Variants in AAR2 observed in about 807,000 individuals in gnomAD.
AAR2 encodes the protein AAR2 splicing factor, also known as protein AAR2 homolog.
In AAR2, 31 loss-of-function variants were observed where a neutral mutation model predicts 26.9. That is an observed-to-expected ratio of 1.15 (90% CI 0.86 to 1.55). The LOEUF is 1.55. Ranked by LOEUF, AAR2 falls within the 40% of genes most tolerant of loss-of-function variation. The pLI is 0.00. For missense variants in AAR2, 430 were observed against 491.3 expected (o/e 0.88, Z 1.18); for synonymous variants, 188 against 196.1 (o/e 0.96, Z 0.34).
At chr20:36,251,840 G>A (rs2147298060) in intron 3 of AAR2, among the ~76,000 whole-genome samples, 1 of 152,370 alleles carries the variant, frequency 6.6e-6, no homozygotes, top group Non-Finnish European at 1.5e-5. Context: ...TTTGAGAGGT[G>A]CTTTGGGAGG....
chr20:36,246,440 C>G (rs1430167947), intron 3 of AAR2, among the ~76,000 whole-genome samples: 1 of 152,198 alleles, frequency 6.6e-6, no homozygotes, highest in Non-Finnish European at 1.5e-5. Flanking sequence ...AGCTATAAAA[C>G]TGTCCTTTTA....
intron 3 of AAR2, among the ~76,000 whole-genome samples, chr20:36,255,285 T>C (rs376512970): frequency 6.6e-6 from 1 of 152,226 alleles, no homozygotes; most frequent in African/African-American, 2.4e-5. Flanking sequence ...TACCTGTTCC[T>C]CTGGGTTACT....
chr20:36,251,634 G>A (rs534761142), intron 3 of AAR2, among the ~76,000 whole-genome samples: 19 of 152,362 alleles, frequency 1.2e-4, no homozygotes, highest in African/African-American at 4.6e-4. Context: ...ATTTGTCACT[G>A]CGTGTTGCCG....
At chr20:36,237,034 G>C (rs908997489) in intron 1 of AAR2, among the ~76,000 whole-genome samples, 1 of 152,182 alleles carries the variant, frequency 6.6e-6, no homozygotes, top group Non-Finnish European at 1.5e-5. Context: ...CCTTTACTGA[G>C]GAGGTGAATA....
rs557600058 is a variant in AAR2, at chr20:36,251,060, G to T, written c.988-4518G>T. On this transcript the variant is annotated intron_variant, in intron 3 of 3. Coordinates refer to ENST00000320849, the MANE Select transcript of AAR2 (RefSeq NM_001271874.2). ...AAAAATACAAAATTTAGCTAGGCATGGTGGCATGTACCTATAGTCTCAACT... is the reference window on the plus strand; with the variant it reads ...AAAAATACAAAATTTAGCTAGGCATTGTGGCATGTACCTATAGTCTCAACT... Among the ~76,000 whole-genome samples, 5 of 152,174 alleles carry T rather than the reference G, an allele frequency of 3.3e-5. No homozygotes were observed. The East Asian group carries it at 9.7e-4, about 29-fold the overall frequency.
rs112672527 is a variant in AAR2, at chr20:36,252,092, C to G, written c.988-3486C>G. On this transcript the variant is annotated intron_variant, in intron 3 of 3. Coordinates refer to ENST00000320849, the MANE Select transcript of AAR2 (RefSeq NM_001271874.2). ...TGTGAGGAATGCCATGAGGGAGGCT[C>G]GGGCACAGTGCTGGGGAACAGGGGT... Among the ~76,000 whole-genome samples, 919 of 152,256 alleles carry G rather than the reference C, an allele frequency of 6.0e-3. 11 individuals are homozygous for G. The highest frequency in any genetic ancestry group is 0.021 in the African/African-American group (871 of 41,550).
intron 3 of AAR2, among the ~76,000 whole-genome samples, chr20:36,255,285 T>G (rs376512970): frequency 2.0e-5 from 3 of 152,344 alleles, no homozygotes; most frequent in African/African-American, 7.2e-5. Flanking sequence ...TACCTGTTCC[T>G]CTGGGTTACT....
chr20:36,244,959 T>G, intron 3 of AAR2, 33 bp downstream of exon 3: 1 of 1,572,976 alleles, frequency 6.4e-7, no homozygotes, highest in East Asian at 2.2e-5. Flanking sequence ...CTGATGCACA[T>G]GTGGGTCAGA....
intron 2 of AAR2, among the ~76,000 whole-genome samples, chr20:36,244,269 G>T (rs1208108699): frequency 1.3e-5 from 2 of 152,126 alleles, no homozygotes; most frequent in African/African-American, 4.8e-5. Flanking sequence ...AGATACGAAG[G>T]CCCCATCATC....
intron 3 of AAR2, among the ~76,000 whole-genome samples, chr20:36,253,750 A>G (rs1485800544): frequency 6.6e-6 from 1 of 152,234 alleles, no homozygotes; most frequent in East Asian, 1.9e-4. Context: ...TCAACAATGC[A>G]AAAACAACCC....
At chr20:36,245,646 C>T (rs1233204803) in intron 3 of AAR2, among the ~76,000 whole-genome samples, 1 of 152,158 alleles carries the variant, frequency 6.6e-6, no homozygotes, top group Non-Finnish European at 1.5e-5. Context: ...TGTGTAATAC[C>T]CCCATGAGGC....
intron 3 of AAR2, 44 bp from the exon 4 acceptor site, chr20:36,255,534 G>C: frequency 6.2e-7 from 1 of 1,608,218 alleles, no homozygotes; most frequent in Non-Finnish European, 8.5e-7. Context: ...CTCGCCCCCT[G>C]CCCTCCGTCT....
chr20:36,244,848 C>G lies in AAR2; in HGVS notation c.909C>G (p.Tyr303Ter), dbSNP rs550754862. The G allele has an allele frequency of 6.2e-7, 1 of 1,614,202 alleles. No individual in the cohort carries two copies. The highest frequency in any genetic ancestry group is 1.1e-5 in the South Asian group (1 of 91,080). Residue 303 changes from tyrosine (Y) to a stop codon, truncating the protein, a stop_gained, in exon 3 of 4, where the codon TAC (tyrosine) becomes TAG (stop). Transcript: ENST00000320849. LOFTEE classifies it high-confidence loss of function. ...TLYINLISIL[Y>*]HQLGEIPADF... Reference sequence around the variant, plus strand: ...ACATCAACCTCATCTCCATCCTGTACCACCAGCTTGGTGAGATCCCCGCTG... The same window carrying G: ...ACATCAACCTCATCTCCATCCTGTAGCACCAGCTTGGTGAGATCCCCGCTG...
chr20:36,256,050 T>C lies in AAR2; in HGVS notation c.*305T>C, dbSNP rs571457545. ...GAGACATCTGCCTACACGGCAACCA[T>C]ATTTCCTCTGAATGAGAAGGAATTG... is the stretch of plus-strand genomic sequence containing the variant. On this transcript the variant is annotated 3_prime_UTR_variant, in exon 4 of 4. Coordinates refer to ENST00000320849, the MANE Select transcript of AAR2 (RefSeq NM_001271874.2). 14 of 282,860 alleles carry C rather than the reference T, an allele frequency of 4.9e-5. No individual in the cohort carries two copies. In the South Asian group the frequency reaches 7.5e-4, roughly 15 times the overall value. The allele number at this position is 282,860 out of a possible 1,614,324, so 17.5% of individuals were successfully genotyped here. A position where few individuals can be genotyped will look rare whatever the true frequency, so the allele number is the denominator to read the frequency against.
intron 3 of AAR2, among the ~76,000 whole-genome samples, chr20:36,253,127 C>T (rs907491718): frequency 9.2e-5 from 14 of 151,494 alleles, no homozygotes; most frequent in African/African-American, 3.4e-4. Context: ...AACGGAATGG[C>T]TCCAGACAAA....
At chr20:36,242,364 T>C (rs116368450) in intron 2 of AAR2, among the ~76,000 whole-genome samples, 7 of 145,274 alleles carry the variant, frequency 4.8e-5, no homozygotes, top group Admixed American at 2.1e-4. Flanking sequence ...AGGTACATCT[T>C]TTGTTGTTGT....
intron 2 of AAR2, among the ~76,000 whole-genome samples, chr20:36,244,185 G>T (rs1328686231): frequency 6.6e-6 from 1 of 152,142 alleles, no homozygotes; most frequent in East Asian, 1.9e-4. Context: ...GGGTTACATG[G>T]TATAGTGCAG....
chr20:36,251,858 A>C (rs2064782803), intron 3 of AAR2, among the ~76,000 whole-genome samples: 1 of 152,228 alleles, frequency 6.6e-6, no homozygotes, highest in Non-Finnish European at 1.5e-5. Flanking sequence ...AGGATGGGTG[A>C]TGAGCGTGAG....
chr20:36,255,569 T>A lies in AAR2; in HGVS notation c.988-9T>A, dbSNP rs747783113. The A allele has an allele frequency of 1.9e-6, 3 of 1,614,170 alleles. No individual in the cohort carries two copies. The South Asian group carries it at 3.3e-5, about 18-fold the overall frequency. On this transcript the variant is annotated splice_polypyrimidine_tract_variant and intron_variant, in intron 3 of 3. Transcript: ENST00000320849. Reference sequence around the variant, plus strand: ...TTCTCAGGAGTGACTTATCCTCTGTTCTCTGTAGGTTTTCTTTTCCTCTGC... The same window carrying A: ...TTCTCAGGAGTGACTTATCCTCTGTACTCTGTAGGTTTTCTTTTCCTCTGC...
Sources: gnomAD v4.1 joint callset for allele counts (sites outside exome capture counted in the v4.1 genomes callset) on GRCh38, gnomAD v4.1.1 for gene constraint, MANE v1.5 for transcripts, NCBI Gene and HGNC (gene_info 2026-07-23, HGNC 2026-07-21) for gene names.